Variants in DPYD observed in about 807,000 individuals in gnomAD.
DPYD encodes dihydropyrimidine dehydrogenase.
Under a neutral mutation model 116.2 loss-of-function variants are expected in DPYD, and 109 were observed. The ratio of observed to expected loss-of-function variants is 0.94; its 90% confidence interval spans 0.80 to 1.10. The LOEUF is 1.10. DPYD is among the 50% of genes least tolerant of loss of function. The pLI is 0.00. For missense variants in DPYD, 1,302 were observed against 1,254.5 expected (o/e 1.04, Z -0.57); for synonymous variants, 440 against 432.0 (o/e 1.02, Z -0.23).
chr1:97,381,109 A>G (rs1671931530), intron 15 of DPYD, among the ~76,000 whole-genome samples: 1 of 152,190 alleles, frequency 6.6e-6, no homozygotes, highest in African/African-American at 2.4e-5. Context: ...ATTGAACAAA[A>G]GGCATACCTT....
intron 16 of DPYD, among the ~76,000 whole-genome samples, chr1:97,359,719 G>A (rs1009026023): frequency 1.3e-5 from 2 of 152,174 alleles, no homozygotes; most frequent in East Asian, 1.9e-4. Context: ...AGCTTCATAA[G>A]TGAAGGAGAA....
chr1:97,092,317 C>T (rs1649950296), intron 21 of DPYD, among the ~76,000 whole-genome samples: 1 of 152,166 alleles, frequency 6.6e-6, no homozygotes, highest in Non-Finnish European at 1.5e-5. Flanking sequence ...AAGAAACATA[C>T]ATGGATGAAT....
At chr1:97,162,381 T>C (rs898540302) in intron 20 of DPYD, among the ~76,000 whole-genome samples, 9 of 152,210 alleles carry the variant, frequency 5.9e-5, no homozygotes, top group African/African-American at 2.2e-4. Context: ...CCATTCACAA[T>C]TGCTTCAAAG....
chr1:97,620,694 A>T lies in DPYD; in HGVS notation c.851-25528T>A, dbSNP rs549326470. Among the ~76,000 whole-genome samples the T allele has an allele frequency of 9.1e-4, 138 of 152,288 alleles. 5 individuals carry two copies. The South Asian group carries it at 0.028, about 30-fold the overall frequency. On this transcript the variant is annotated intron_variant, in intron 8 of 22. Transcript: ENST00000370192. ...CCTTTTATATTGTTCATAATTTTAT[A>T]AATTCTATTCGTATATGCTCTTTCA...
At chr1:97,711,949 T>A (rs1442653579) in intron 5 of DPYD, among the ~76,000 whole-genome samples, 1 of 152,020 alleles carries the variant, frequency 6.6e-6, no homozygotes, top group Non-Finnish European at 1.5e-5. Flanking sequence ...AAAGAATAAC[T>A]CTTAGTAGAT....
At chr1:97,103,974 C>A (rs1273117089) in intron 20 of DPYD, among the ~76,000 whole-genome samples, 2 of 152,114 alleles carry the variant, frequency 1.3e-5, no homozygotes, top group East Asian at 3.9e-4. Flanking sequence ...TCACCTGGTA[C>A]ATGCCAATTA....
chr1:97,357,197 T>C (rs1257338987), intron 16 of DPYD, among the ~76,000 whole-genome samples: 2 of 152,204 alleles, frequency 1.3e-5, no homozygotes, highest in African/African-American at 4.8e-5. Context: ...GCTTTCATCA[T>C]GTTTTACAGT....
At chr1:97,757,081 G>C (rs902686108) in intron 3 of DPYD, among the ~76,000 whole-genome samples, 26 of 152,066 alleles carry the variant, frequency 1.7e-4, no homozygotes, top group African/African-American at 5.8e-4. Flanking sequence ...CAAATATCCT[G>C]ATAGGTCTCA....
chr1:97,087,614 T>C (rs1014796622), intron 21 of DPYD, among the ~76,000 whole-genome samples: 1 of 152,180 alleles, frequency 6.6e-6, no homozygotes, highest in Admixed American at 6.5e-5. Flanking sequence ...AGGAGCAAAG[T>C]TGGTTCAGTA....
intron 9 of DPYD, 151 bp downstream of exon 9, chr1:97,594,908 C>T: frequency 5.0e-6 from 3 of 605,484 alleles, no homozygotes; most frequent in East Asian, 3.0e-5. Flanking sequence ...ACTGTTATAC[C>T]CGGCCTTTTT....
intron 20 of DPYD, among the ~76,000 whole-genome samples, chr1:97,140,137 C>T (rs1343619563): frequency 6.6e-6 from 1 of 151,860 alleles, no homozygotes; most frequent in Admixed American, 6.6e-5. Context: ...ATGGACATGC[C>T]CCTGGGTGCT....
chr1:97,577,256 G>A (rs999985677), intron 10 of DPYD, among the ~76,000 whole-genome samples: 8 of 152,092 alleles, frequency 5.3e-5, no homozygotes, highest in Non-Finnish European at 2.9e-5. Flanking sequence ...TTCTCAGTGT[G>A]GTGGATCAAG....
intron 18 of DPYD, among the ~76,000 whole-genome samples, chr1:97,266,369 C>T (rs546989815): frequency 1.3e-5 from 2 of 152,136 alleles, no homozygotes; most frequent in South Asian, 4.1e-4. Flanking sequence ...GGTACAAGGA[C>T]ATCAAGACAA....
intron 18 of DPYD, among the ~76,000 whole-genome samples, chr1:97,253,122 A>G (rs1418354898): frequency 6.6e-6 from 1 of 152,204 alleles, no homozygotes; most frequent in Non-Finnish European, 1.5e-5. Context: ...CTGTAGGCAA[A>G]CAAAATACTA....
At chr1:97,370,136 C>G (rs570224256) in intron 16 of DPYD, among the ~76,000 whole-genome samples, 1 of 152,036 alleles carries the variant, frequency 6.6e-6, no homozygotes, top group African/African-American at 2.4e-5. Flanking sequence ...GGGTATATAC[C>G]CAGTAATAGG....
intron 1 of DPYD, among the ~76,000 whole-genome samples, chr1:97,905,982 C>G (rs930853796): frequency 6.6e-6 from 1 of 151,906 alleles, no homozygotes; most frequent in South Asian, 2.1e-4. Flanking sequence ...ACGGATACAT[C>G]TTTTTAAGAC....
At chr1:97,563,964 T>C (rs1553196118) in intron 11 of DPYD, among the ~76,000 whole-genome samples, 2 of 152,106 alleles carry the variant, frequency 1.3e-5, no homozygotes, top group Non-Finnish European at 1.5e-5. Context: ...AGAAAGATGA[T>C]AAATCTTTCA....
At chr1:97,318,523 G>A (rs896989262) in intron 16 of DPYD, among the ~76,000 whole-genome samples, 29 of 151,758 alleles carry the variant, frequency 1.9e-4, no homozygotes, top group Non-Finnish European at 2.8e-4. Flanking sequence ...TTCAACAAGA[G>A]GAGCTAACTA....
intron 1 of DPYD, among the ~76,000 whole-genome samples, chr1:97,912,637 T>G (rs930996632): frequency 1.3e-5 from 2 of 152,054 alleles, no homozygotes; most frequent in African/African-American, 4.8e-5. Flanking sequence ...GTAATAATCA[T>G]GAAAAATAAT....
Sources: gnomAD v4.1 joint callset for allele counts (sites outside exome capture counted in the v4.1 genomes callset) on GRCh38, gnomAD v4.1.1 for gene constraint, MANE v1.5 for transcripts, NCBI Gene and HGNC (gene_info 2026-07-23, HGNC 2026-07-21) for gene names.